VWC2L: variants seen among roughly 807,000 people sequenced by gnomAD.
VWC2L encodes von Willebrand factor C domain-containing protein 2-like.
In VWC2L, 10 loss-of-function variants were observed where a neutral mutation model predicts 21.6. The observed-to-expected ratio is 0.46, with a 90% CI of 0.29 to 0.78. VWC2L has a LOEUF of 0.78. Ranked by LOEUF, VWC2L falls within the 30% of genes least tolerant of loss-of-function variation. The pLI, the probability that VWC2L is intolerant of heterozygous loss-of-function variation, is 0.10. For missense variants in VWC2L, 209 were observed against 277.1 expected, an observed-to-expected ratio of 0.75 and a Z score of 1.74; for synonymous variants, 96 against 94.3, an observed-to-expected ratio of 1.02 and a Z score of -0.10.
At chr2:214,499,518 G>T (rs1042734416) in intron 3 of VWC2L, among the ~76,000 whole-genome samples, 2 of 132,382 alleles carry the variant, frequency 1.5e-5, no homozygotes, top group Admixed American at 1.6e-4. Context: ...GGGGGGAGGG[G>T]TGGAGGGATA....
At chr2:214,459,105 C>T (rs974857958) in intron 3 of VWC2L, among the ~76,000 whole-genome samples, 7 of 152,064 alleles carry the variant, frequency 4.6e-5, no homozygotes, top group Non-Finnish European at 7.4e-5. Flanking sequence ...GGTGTTGGTG[C>T]ACATGTGTTT....
intron 3 of VWC2L, among the ~76,000 whole-genome samples, chr2:214,462,439 G>A (rs1376687359): frequency 3.9e-5 from 6 of 152,142 alleles, no homozygotes; most frequent in African/African-American, 1.4e-4. Context: ...CTAAATTACG[G>A]TGTGCTCTCT....
intron 3 of VWC2L, among the ~76,000 whole-genome samples, chr2:214,510,980 C>T (rs1242097304): frequency 7.2e-5 from 11 of 152,138 alleles, no homozygotes. Context: ...CACTTTGAAC[C>T]TATATGTAAT....
At chr2:214,561,083 G>A (rs1160911482) in intron 3 of VWC2L, among the ~76,000 whole-genome samples, 2 of 152,172 alleles carry the variant, frequency 1.3e-5, no homozygotes, top group African/African-American at 4.8e-5. Flanking sequence ...TAAAGCAGTG[G>A]TTCTCAAACT....
intron 2 of VWC2L, among the ~76,000 whole-genome samples, chr2:214,427,152 C>G (rs1447309926): frequency 6.6e-6 from 1 of 151,834 alleles, no homozygotes; most frequent in African/African-American, 2.4e-5. Flanking sequence ...AATGCACACT[C>G]TCTAATACTT....
At chr2:214,544,447 G>C (rs1236034573) in intron 3 of VWC2L, among the ~76,000 whole-genome samples, 1 of 152,162 alleles carries the variant, frequency 6.6e-6, no homozygotes, top group Admixed American at 6.5e-5. Context: ...CTATGACTTA[G>C]AAATTCCTTA....
At chr2:214,561,809 T>TATATATATATATATATATATAC (rs1489588765) in intron 3 of VWC2L, among the ~76,000 whole-genome samples, 2,198 of 124,930 alleles carry the variant, frequency 0.018, 65 homozygotes, top group African/African-American at 0.023. Context: ...TATATATATA[T>TATATATATATATATATATATAC]ACACACACAT....
intron 3 of VWC2L, among the ~76,000 whole-genome samples, chr2:214,514,419 A>G (rs1311286874): frequency 2.0e-5 from 3 of 151,126 alleles, no homozygotes; most frequent in African/African-American, 7.4e-5. Context: ...CCTATTTGAA[A>G]TCTCCCTTTC....
Position 214,553,073 on chromosome 2 carries a change from T to C in VWC2L, c.521-22599T>C, listed in dbSNP as rs543061307. Among the ~76,000 whole-genome samples the C allele has an allele frequency of 1.2e-4, 19 of 152,236 alleles. No individual in the cohort carries two copies. In the East Asian group the frequency reaches 3.7e-3, roughly 29 times the overall value. ...CTCCTTTCAGTGTCTCCCCAGCCCA[T>C]CCCCTCTTCTCCATTCTTACTGCCA... On this transcript the variant is annotated intron_variant, in intron 3 of 3. Transcript: ENST00000312504.
intron 3 of VWC2L, among the ~76,000 whole-genome samples, chr2:214,550,904 T>G (rs763640092): frequency 5.9e-5 from 9 of 152,172 alleles, no homozygotes; most frequent in Admixed American, 5.2e-4. Flanking sequence ...CAACTAATTT[T>G]GCTACAAAAG....
chr2:214,564,838 G>GT (rs917263687), intron 3 of VWC2L, among the ~76,000 whole-genome samples: 6 of 152,038 alleles, frequency 3.9e-5, no homozygotes, highest in African/African-American at 1.4e-4. Context: ...TTTTTAATTT[G>GT]TTTTTTCTGC....
At chr2:214,424,335 A>C (rs1341443747) in intron 2 of VWC2L, among the ~76,000 whole-genome samples, 1 of 152,144 alleles carries the variant, frequency 6.6e-6, no homozygotes, top group Non-Finnish European at 1.5e-5. Flanking sequence ...TGAGCAGTAC[A>C]CGTTAGTATA....
intron 3 of VWC2L, among the ~76,000 whole-genome samples, chr2:214,450,066 G>C (rs1702930817): frequency 6.6e-6 from 1 of 152,156 alleles, no homozygotes; most frequent in African/African-American, 2.4e-5. Context: ...AAGATGCAGG[G>C]CACTGGGCAC....
chr2:214,415,542 A>G (rs1337457397), intron 2 of VWC2L, among the ~76,000 whole-genome samples: 1 of 152,140 alleles, frequency 6.6e-6, no homozygotes, highest in Non-Finnish European at 1.5e-5. Flanking sequence ...GTGTTTATGT[A>G]TGAGAGAAGA....
At chr2:214,416,289 T>A (rs1702353939) in intron 2 of VWC2L, among the ~76,000 whole-genome samples, 1 of 152,092 alleles carries the variant, frequency 6.6e-6, no homozygotes, top group Non-Finnish European at 1.5e-5. Context: ...TATGTTACCA[T>A]GTCAAACAAT....
At chr2:214,518,708 T>A (rs890203860) in intron 3 of VWC2L, among the ~76,000 whole-genome samples, 4 of 152,182 alleles carry the variant, frequency 2.6e-5, no homozygotes, top group African/African-American at 7.2e-5. Context: ...ATTACTTTTC[T>A]CAGTAGTACT....
chr2:214,427,975 A>T (rs1702550428), intron 2 of VWC2L, among the ~76,000 whole-genome samples: 1 of 152,174 alleles, frequency 6.6e-6, no homozygotes, highest in Non-Finnish European at 1.5e-5. Context: ...CACGGATATG[A>T]AGGGCTGACT....
At chr2:214,472,100 G>T (rs1280882486) in intron 3 of VWC2L, 1 of 152,128 alleles carries the variant, frequency 6.6e-6, no homozygotes, top group Non-Finnish European at 1.5e-5. Context: ...ATATCTAGTA[G>T]GGAAAAGGGA....
intron 2 of VWC2L, among the ~76,000 whole-genome samples, chr2:214,421,883 A>ATTTTTTTTTTTTT (rs1574555783): frequency 3.2e-4 from 28 of 88,348 alleles, no homozygotes; most frequent in East Asian, 3.0e-3. Context: ...TATTTCCTAC[A>ATTTTTTTTTTTTT]TCTTTTTTTT....
Sources: gnomAD v4.1 joint callset for allele counts (sites outside exome capture counted in the v4.1 genomes callset) on GRCh38, gnomAD v4.1.1 for gene constraint, MANE v1.5 for transcripts, NCBI Gene and HGNC (gene_info 2026-07-23, HGNC 2026-07-21) for gene names.